The following NBR1 variants were observed in gnomAD, a reference collection of about 807,000 sequenced individuals.
NBR1 encodes the protein next to BRCA1 gene 1 protein.
Under a neutral mutation model 115.5 loss-of-function variants are expected in NBR1, and 59 were observed. That is an observed-to-expected ratio of 0.51 (90% CI 0.41 to 0.63). The LOEUF (loss-of-function observed/expected upper bound fraction) is 0.63, where lower values mean the gene tolerates loss of function less well. NBR1 is among the 30% of genes least tolerant of loss of function. The pLI, the probability that NBR1 is intolerant of heterozygous loss-of-function variation, is 0.00. For synonymous variants in NBR1, 373 were observed against 414.7 expected, an observed-to-expected ratio of 0.90 and a Z score of 1.22; for missense variants, 1,043 against 1,150.5, an observed-to-expected ratio of 0.91 and a Z score of 1.35.
intron 13 of NBR1, 132 bp from the exon 14 acceptor site, chr17:43,194,832 T>C: frequency 1.4e-6 from 1 of 697,792 alleles, no homozygotes; most frequent in Non-Finnish European, 2.4e-6. Context: ...TCTTCTTGTT[T>C]TCACTTGTCT....
At chr17:43,198,535 C>G (rs2057118885) in intron 16 of NBR1, among the ~76,000 whole-genome samples, 2 of 151,946 alleles carry the variant, frequency 1.3e-5, no homozygotes, top group South Asian at 2.1e-4. Flanking sequence ...TGCCTGTGAT[C>G]CAGCTACTCA....
chr17:43,208,898 T>C (rs1049388211), intron 20 of NBR1, among the ~76,000 whole-genome samples: 1 of 151,888 alleles, frequency 6.6e-6, no homozygotes, highest in Admixed American at 6.6e-5. Flanking sequence ...GCCCAGGAGG[T>C]TGAGGCTGCA....
At chr17:43,189,011 C>T (rs761881487) in intron 6 of NBR1, 31 bp from the exon 7 acceptor site, 2 of 1,479,726 alleles carry the variant, frequency 1.4e-6, no homozygotes, top group East Asian at 2.3e-5. Flanking sequence ...AAAAAGTAAC[C>T]TCTAACATCT....
intron 10 of NBR1, among the ~76,000 whole-genome samples, chr17:43,192,494 G>A (rs1416740985): frequency 2.6e-5 from 4 of 151,878 alleles, no homozygotes; most frequent in African/African-American, 4.8e-5. Flanking sequence ...TCAGCCTCCC[G>A]AGTAACTGGG....
chr17:43,209,360 G>A (rs2057374408), intron 20 of NBR1, among the ~76,000 whole-genome samples: 1 of 152,104 alleles, frequency 6.6e-6, no homozygotes, highest in Non-Finnish European at 1.5e-5. Flanking sequence ...ACAGGTGTGA[G>A]CCACCGCACC....
chr17:43,208,361 A>G (rs900820395), intron 20 of NBR1, among the ~76,000 whole-genome samples: 1 of 152,222 alleles, frequency 6.6e-6, no homozygotes, highest in African/African-American at 2.4e-5. Context: ...GATACAATGC[A>G]AGGTACATTC....
Position 43,190,615 on chromosome 17 carries a change from C to G in NBR1, c.702C>G (p.Cys234Trp). 1 of 1,580,898 alleles carries G rather than the reference C, an allele frequency of 6.3e-7. No homozygotes were observed. Among genetic ancestry groups the G allele is most frequent in the Non-Finnish European group, 8.6e-7 (1 of 1,163,096 alleles). ...TGCCATTCTTTCCCCACAGCCTATG[C>G]CCATCCTACAATATCTGTGAAGATT... ...IVGVRYQCSLCPSYNICEDCE... is the reference protein window; with the variant it reads ...IVGVRYQCSLWPSYNICEDCE... Residue 234 changes from cysteine (C) to tryptophan (W), a missense_variant, in exon 9 of 21, where the codon TGC becomes TGG. Transcript: ENST00000590996.
chr17:43,184,369 A>ATTTTTTTTTTTT (rs1597977030), intron 5 of NBR1, among the ~76,000 whole-genome samples: 2 of 21,818 alleles, frequency 9.2e-5, no homozygotes, highest in Non-Finnish European at 5.5e-4. Context: ...CCAAAATACT[A>ATTTTTTTTTTTT]TTCTTTTTTT....
intron 4 of NBR1, among the ~76,000 whole-genome samples, chr17:43,180,249 A>G (rs191873730): frequency 3.7e-4 from 57 of 152,346 alleles, no homozygotes; most frequent in Non-Finnish European, 6.2e-4. Context: ...CATAGAGTGT[A>G]CTTACACAAA....
intron 2 of NBR1, among the ~76,000 whole-genome samples, chr17:43,177,227 C>G (rs965373916): frequency 7.7e-6 from 1 of 130,578 alleles, no homozygotes; most frequent in East Asian, 2.4e-4. Context: ...GAGCCAAGAT[C>G]AAGCCACTAT....
chr17:43,175,684 C>T, intron 1 of NBR1, 107 bp from the exon 2 acceptor site: 1 of 583,912 alleles, frequency 1.7e-6, no homozygotes, highest in East Asian at 2.9e-5. Flanking sequence ...CCAAGCCCAG[C>T]CCATATTGGG....
chr17:43,192,258 T>C (rs1204958677), intron 10 of NBR1, among the ~76,000 whole-genome samples: 2 of 150,672 alleles, frequency 1.3e-5, no homozygotes, highest in African/African-American at 4.9e-5. Context: ...CCTGACCTCA[T>C]GAATCCGCCC....
rs560504446 is a variant in NBR1 at position 43,198,380 on chromosome 17, C to T, written c.2026+1274C>T. Among the ~76,000 whole-genome samples the T allele has an allele frequency of 1.8e-4, 28 of 152,172 alleles. No homozygotes were observed. The South Asian group carries it at 1.9e-3, about 10-fold the overall frequency. ...TTTAAAGTATACATGTAAGGCCAGG[C>T]GCAGTGGCTCACGCCTGTAATCCCA... On this transcript the variant is annotated intron_variant, in intron 16 of 20. Coordinates refer to ENST00000590996, the MANE Select transcript of NBR1 (RefSeq NM_005899.5).
rs746068781 is a variant in NBR1, at chr17:43,202,721, C to T, written c.2621+9C>T. Reference sequence around the variant, plus strand: ...AGCTATGACCACTCAAGGTAACAACCTTGTGCAGTCTCTTTTTTCAGAAGC... The same window carrying T: ...AGCTATGACCACTCAAGGTAACAACTTTGTGCAGTCTCTTTTTTCAGAAGC... On this transcript the variant is annotated intron_variant, in intron 19 of 20. Coordinates refer to ENST00000590996, the MANE Select transcript of NBR1 (RefSeq NM_005899.5). The T allele has an allele frequency of 3.8e-6, 6 of 1,562,122 alleles. No individual in the cohort carries two copies. The highest frequency in any genetic ancestry group is 5.2e-6 in the Non-Finnish European group (6 of 1,151,344).
At chr17:43,191,673 C>T (rs946233676) in intron 10 of NBR1, 92 bp downstream of exon 10, 3 of 769,134 alleles carry the variant, frequency 3.9e-6, no homozygotes, top group African/African-American at 1.8e-5. Context: ...TATTGGTAGC[C>T]CTTAACACCT....
intron 1 of NBR1, among the ~76,000 whole-genome samples, chr17:43,172,975 A>G (rs1274952393): frequency 4.0e-5 from 6 of 151,528 alleles, no homozygotes; most frequent in Non-Finnish European, 7.4e-5. Context: ...ACGGGCGCCC[A>G]CCACCACGCC....
rs544042315 is a variant in NBR1, at chr17:43,182,418, C to T, written c.207+1601C>T. Among the ~76,000 whole-genome samples the T allele has an allele frequency of 4.0e-4, 61 of 151,332 alleles. 1 individual carries two copies. Among genetic ancestry groups the T allele is most frequent in the African/African-American group, 1.1e-3 (43 of 40,920 alleles). ...GTAGTTTTTAGTAGAGACAGGGTTT[C>T]GCCTTGTTGGCCAGGCTGGTCTCAA... is the stretch of plus-strand genomic sequence containing the variant. On this transcript the variant is annotated intron_variant, in intron 5 of 20. Transcript: ENST00000590996.
At position 43,206,673 on chromosome 17, in the gene NBR1, T is replaced by C. The variant is rs531706449; in HGVS notation, c.2727+2887T>C. Among the ~76,000 whole-genome samples the C allele has an allele frequency of 2.1e-5, 3 of 145,356 alleles. No individual in the cohort carries two copies. The South Asian group carries it at 6.6e-4, about 32-fold the overall frequency. ...CCGTCTCAAAAAAAAAAAAAGGAAA[T>C]CCCTAAGAGAATCCATGTATTGGTG... On this transcript the variant is annotated intron_variant, in intron 20 of 20. Transcript: ENST00000590996.
At position 43,191,529 on chromosome 17, in the gene NBR1, C is replaced by G. The variant is rs1207880251; in HGVS notation, c.1021C>G (p.Pro341Ala). 7 of 1,613,238 alleles carry G rather than the reference C, an allele frequency of 4.3e-6. No individual in the cohort carries two copies. The highest frequency in any genetic ancestry group is 5.1e-6 in the Non-Finnish European group (6 of 1,179,646). Residue 341 changes from proline (P) to alanine (A), a missense_variant, in exon 10 of 21, where the codon CCC (proline) becomes GCC (alanine). Transcript: ENST00000590996. ...LWNSIHGLQS[P>A]KSPLGRPESL... is the part of the protein sequence containing the mutation. ...GAATTCAATCCATGGACTCCAGAGC[C>G]CCAAGTCTCCTTTAGGCCGACCTGA...
Sources: allele counts gnomAD v4.1 joint callset (sites outside exome capture counted in the v4.1 genomes callset), GRCh38; gene constraint gnomAD v4.1.1; transcripts MANE v1.5; gene names NCBI Gene and HGNC (gene_info 2026-07-23, HGNC 2026-07-21).